The following ENTREP2 variants were observed in gnomAD, a reference collection of about 807,000 sequenced individuals.
The protein encoded by ENTREP2 is protein ENTREP2.
the ENTREP2 span, among the ~76,000 whole-genome samples, chr15:29,377,820 C>CAAA: frequency 2.8e-5 from 1 of 36,136 alleles, no homozygotes; most frequent in Non-Finnish European, 6.9e-5. Context: ...GACTCTGTCT[C>CAAA]AAAAATAATA....
the ENTREP2 span, among the ~76,000 whole-genome samples, chr15:29,651,185 G>A: frequency 3.9e-5 from 6 of 152,262 alleles, no homozygotes; most frequent in South Asian, 2.1e-4. Context: ...TTTACCACTC[G>A]TAATTGATTG....
the ENTREP2 span, among the ~76,000 whole-genome samples, chr15:29,399,707 C>T: frequency 6.6e-6 from 1 of 152,194 alleles, no homozygotes; most frequent in Non-Finnish European, 1.5e-5. Flanking sequence ...GACTGGAAGT[C>T]TTACCAATCA....
At chr15:29,511,352 T>C in the ENTREP2 span, among the ~76,000 whole-genome samples, 1 of 151,706 alleles carries the variant, frequency 6.6e-6, no homozygotes, top group Admixed American at 6.6e-5. Flanking sequence ...TTCTTTTTTT[T>C]TTTTTTGAGA....
At chr15:29,246,788 T>A in the ENTREP2 span, among the ~76,000 whole-genome samples, 1 of 152,150 alleles carries the variant, frequency 6.6e-6, no homozygotes, top group African/African-American at 2.4e-5. Flanking sequence ...GGTGGTTATA[T>A]GAATTATCAC....
At chr15:29,217,439 G>A in the ENTREP2 span, among the ~76,000 whole-genome samples, 2 of 152,126 alleles carry the variant, frequency 1.3e-5, no homozygotes. Flanking sequence ...ACTTCTTGGA[G>A]GCTTCGTTCA....
the ENTREP2 span, among the ~76,000 whole-genome samples, chr15:29,555,173 A>C: frequency 6.6e-6 from 1 of 152,208 alleles, no homozygotes; most frequent in South Asian, 2.1e-4. Context: ...TATGATCTGG[A>C]AGAAATCCCC....
the ENTREP2 span, among the ~76,000 whole-genome samples, chr15:29,176,107 C>A: frequency 1.2e-3 from 181 of 152,358 alleles, 3 homozygotes; most frequent in Admixed American, 0.012. Flanking sequence ...ATCTTATTAG[C>A]CTTTCGCCTC....
At chr15:29,425,198 T>TGG in the ENTREP2 span, among the ~76,000 whole-genome samples, 646 of 112,232 alleles carry the variant, frequency 5.8e-3, 8 homozygotes, top group African/African-American at 0.018. Flanking sequence ...CCAGGTTTTT[T>TGG]GTTTTTTTTT....
chr15:29,203,125 G>A, the ENTREP2 span, among the ~76,000 whole-genome samples: 3 of 152,194 alleles, frequency 2.0e-5, no homozygotes, highest in Admixed American at 6.5e-5. Flanking sequence ...TTCCTAGGCC[G>A]GGCACGGTGG....
chr15:29,349,806 G>A, the ENTREP2 span, among the ~76,000 whole-genome samples: 1 of 152,136 alleles, frequency 6.6e-6, no homozygotes, highest in East Asian at 1.9e-4. Flanking sequence ...GCTGAGGCAG[G>A]AGAATTGCTT....
At chr15:29,436,384 C>G in the ENTREP2 span, among the ~76,000 whole-genome samples, 1 of 152,342 alleles carries the variant, frequency 6.6e-6, no homozygotes, top group Non-Finnish European at 1.5e-5. Flanking sequence ...CACTGCCCAT[C>G]TGGCACTGGG....
At chr15:29,518,636 G>C in the ENTREP2 span, among the ~76,000 whole-genome samples, 1 of 152,104 alleles carries the variant, frequency 6.6e-6, no homozygotes, top group African/African-American at 2.4e-5. Flanking sequence ...GGGAAGGGCA[G>C]GAGGAAGGCC....
chr15:29,263,554 A>C, the ENTREP2 span, among the ~76,000 whole-genome samples: 1 of 152,254 alleles, frequency 6.6e-6, no homozygotes, highest in Non-Finnish European at 1.5e-5. Context: ...TTGGTTATTT[A>C]TAAGAGGAAT....
the ENTREP2 span, among the ~76,000 whole-genome samples, chr15:29,335,761 T>C: frequency 4.6e-5 from 7 of 152,228 alleles, no homozygotes; most frequent in Non-Finnish European, 1.0e-4. Context: ...CTCTCCATTG[T>C]GTCTCTCCAG....
At chr15:29,412,432 T>C in the ENTREP2 span, among the ~76,000 whole-genome samples, 3 of 152,136 alleles carry the variant, frequency 2.0e-5, no homozygotes, top group Non-Finnish European at 4.4e-5. Context: ...GCTAACCACC[T>C]TGCCAAACTC....
the ENTREP2 span, among the ~76,000 whole-genome samples, chr15:29,440,812 G>C: frequency 2.6e-5 from 4 of 152,006 alleles, no homozygotes; most frequent in Non-Finnish European, 5.9e-5. Context: ...CCGCTCCAGG[G>C]GTTATCCCCT....
chr15:29,673,615 G>GCAA, the ENTREP2 span, among the ~76,000 whole-genome samples: 4 of 152,138 alleles, frequency 2.6e-5, no homozygotes, highest in Non-Finnish European at 5.9e-5. Flanking sequence ...CAGAATCTTG[G>GCAA]AGTCTCCAGA....
chr15:29,417,502 G>A, the ENTREP2 span, among the ~76,000 whole-genome samples: 4 of 152,158 alleles, frequency 2.6e-5, no homozygotes, highest in African/African-American at 4.8e-5. Context: ...GTGGGGTTAG[G>A]GGAGCAGAGA....
chr15:29,593,704 A>G, the ENTREP2 span, among the ~76,000 whole-genome samples: 1 of 152,198 alleles, frequency 6.6e-6, no homozygotes, highest in African/African-American at 2.4e-5. Flanking sequence ...TGCTTTTCAC[A>G]TTGCGTCAGG....
Sources: allele counts gnomAD v4.1 joint callset (sites outside exome capture counted in the v4.1 genomes callset), GRCh38; gene constraint gnomAD v4.1.1; transcripts MANE v1.5; gene names NCBI Gene and HGNC (gene_info 2026-07-23, HGNC 2026-07-21).